Variants in ZNF32 observed in about 807,000 individuals in gnomAD.
ZNF32 encodes C2H2-546.
In ZNF32, 13 loss-of-function variants were observed where a neutral mutation model predicts 24.4. That is an observed-to-expected ratio of 0.53 (90% CI 0.35 to 0.85). The LOEUF is 0.85. ZNF32 is among the 40% of genes least tolerant of loss of function. The pLI, the probability that ZNF32 is intolerant of heterozygous loss-of-function variation, is 0.01. For synonymous variants in ZNF32, 115 were observed against 117.4 expected (o/e 0.98, Z 0.13); for missense variants, 239 against 325.3 (o/e 0.73, Z 2.04).
chr10:43,645,107 T>A, intron 2 of ZNF32: 1 of 227,708 alleles, frequency 4.4e-6, no homozygotes, highest in Non-Finnish European at 8.6e-6. Flanking sequence ...TTTTCTCTAT[T>A]TTACAGGTCA....
chr10:43,644,816 G>A lies in ZNF32; in HGVS notation c.71-15C>T, dbSNP rs1839227587. The A allele has an allele frequency of 1.3e-6, 2 of 1,566,800 alleles. No individual in the cohort carries two copies. The highest frequency in any genetic ancestry group is 8.6e-7 in the Non-Finnish European group (1 of 1,160,888). ...AGTCATCACATCTGATAAAATGAGA[G>A]GGAAGTCATATAAGAAGCACCAATA... is the stretch of plus-strand genomic sequence containing the variant. On this transcript the variant is annotated splice_polypyrimidine_tract_variant and intron_variant, in intron 2 of 2. Coordinates refer to ENST00000374433, the MANE Select transcript of ZNF32 (RefSeq NM_006973.3). This position sits in a 1 kb window ranked among gnomAD's most constrained non-coding sequence, Gnocchi z 5.3.
At chr10:43,647,217 C>T (rs1355672167) in intron 1 of ZNF32, 2 of 152,110 alleles carry the variant, frequency 1.3e-5, no homozygotes, top group African/African-American at 2.4e-5. Flanking sequence ...CAGGTAAGCA[C>T]CACCAAGCCT....
At chr10:43,645,990 C>A in intron 2 of ZNF32, 74 bp downstream of exon 2, 1 of 1,586,344 alleles carries the variant, frequency 6.3e-7, no homozygotes, top group East Asian at 2.3e-5. Flanking sequence ...CCTCAGACTG[C>A]CGACCAGTGC....
intron 1 of ZNF32, 133 bp from the exon 2 acceptor site, chr10:43,646,335 T>C (rs1324240790): frequency 1.7e-6 from 1 of 602,306 alleles, no homozygotes; most frequent in East Asian, 3.0e-5. Context: ...TGTCAGTTAC[T>C]AAAATATCAC....
In ZNF32 at chr10:43,644,021, A is replaced by T; in HGVS notation, c.*29T>A. 6.3e-7 allele frequency: 1 copy of T among 1,577,164 alleles called. No homozygotes were observed. Among genetic ancestry groups the T allele is most frequent in the Non-Finnish European group, 8.6e-7 (1 of 1,163,898 alleles). ...TCAGAGGATTTTGTACTCTTAATTC[A>T]TAAAGAGAACTTCTCTTCAGGAAAG... On this transcript the variant is annotated 3_prime_UTR_variant, in exon 3 of 3. Coordinates refer to ENST00000374433, the MANE Select transcript of ZNF32 (RefSeq NM_006973.3). The surrounding 1 kb of genome is among the most constrained non-coding windows in gnomAD (Gnocchi z 5.3).
Position 43,644,137 on chromosome 10 carries a change from A to G in ZNF32, c.735T>C (p.Tyr245=). The change falls in exon 3 of 3, where the codon TAT becomes TAC. Residue 245 remains tyrosine (Y), a synonymous_variant. Transcript: ENST00000374433. The surrounding 1 kb of genome is among the most constrained non-coding windows in gnomAD (Gnocchi z 5.3). ...HGKIHTGETP[Y]LCGQCGKSFT... is the part of the protein sequence containing the mutation. Reference sequence around the variant, plus strand: ...AGCTTTTTCCACACTGGCCGCACAGATAGGGTGTCTCTCCTGTGTGGATTT... The same window carrying G: ...AGCTTTTTCCACACTGGCCGCACAGGTAGGGTGTCTCTCCTGTGTGGATTT... 2 of 1,614,206 alleles carry G rather than the reference A, an allele frequency of 1.2e-6. No individual in the cohort carries two copies. Among genetic ancestry groups the G allele is most frequent in the Non-Finnish European group, 1.7e-6 (2 of 1,180,034 alleles).
At chr10:43,645,016 C>T (rs1839236310) in intron 2 of ZNF32, 1 of 541,784 alleles carries the variant, frequency 1.8e-6, no homozygotes, top group Admixed American at 3.6e-5. Flanking sequence ...TTAGAGCTGA[C>T]TCAAATAGGC....
intron 1 of ZNF32, among the ~76,000 whole-genome samples, chr10:43,648,186 T>C (rs557372903): frequency 3.1e-4 from 47 of 152,092 alleles, no homozygotes; most frequent in African/African-American, 9.2e-4. Flanking sequence ...GGTAGGACAA[T>C]GAGAAGGAAA....
Position 43,644,687 on chromosome 10 carries a change from G to A in ZNF32, c.185C>T (p.Ser62Leu), listed in dbSNP as rs144676378. 1.8e-4 allele frequency: 298 copies of A among 1,614,110 alleles called. 3 individuals carry two copies. In the South Asian group the frequency reaches 3.0e-3, roughly 16 times the overall value. ...REKLEQKSPD[S>L]KTLQEDSPGV... ...AGGTGAATCTTCCTGTAGTGTCTTCGAATCTGGGGATTTTTGTTCCAGCTT... is the reference window on the plus strand; with the variant it reads ...AGGTGAATCTTCCTGTAGTGTCTTCAAATCTGGGGATTTTTGTTCCAGCTT... Residue 62 changes from serine to leucine, a missense_variant, in exon 3 of 3, where the codon TCG becomes TTG. Coordinates refer to ENST00000374433, the MANE Select transcript of ZNF32 (RefSeq NM_006973.3). This position sits in a 1 kb window ranked among gnomAD's most constrained non-coding sequence, Gnocchi z 5.3.
intron 1 of ZNF32, among the ~76,000 whole-genome samples, chr10:43,648,378 T>TC (rs1017737346): frequency 1.7e-4 from 26 of 152,036 alleles, no homozygotes; most frequent in African/African-American, 6.0e-4. Context: ...CTTCCTACTC[T>TC]CCCCCGCAGG....
rs1488422193 is a variant in ZNF32, at chr10:43,644,270, T to G, written c.602A>C (p.Lys201Thr). The G allele has an allele frequency of 6.2e-7, 1 of 1,614,220 alleles. No homozygotes were observed. Among genetic ancestry groups the G allele is most frequent in the Admixed American group, 1.7e-5 (1 of 60,028 alleles). ...CDQCGKAFSQ[K>T]GSLIVHIRVH... ...TCTGATGTGAACAATTAAGCTTCCT[T>G]TCTGACTGAAGGCTTTTCCACACTG... Residue 201 changes from lysine to threonine, a missense_variant, in exon 3 of 3, where the codon AAA becomes ACA. Lys to Thr is a moderately conservative substitution (Grantham distance 78). Coordinates refer to ENST00000374433, the MANE Select transcript of ZNF32 (RefSeq NM_006973.3). The surrounding 1 kb of genome is among the most constrained non-coding windows in gnomAD (Gnocchi z 5.3).
Position 43,644,453 on chromosome 10 carries a change from T to C in ZNF32, c.419A>G (p.Lys140Arg), listed in dbSNP as rs1382217236. 1 of 1,614,218 alleles carries C rather than the reference T, an allele frequency of 6.2e-7. No individual in the cohort carries two copies. Among genetic ancestry groups the C allele is most frequent in the Non-Finnish European group, 8.5e-7 (1 of 1,180,034 alleles). The change falls in exon 3 of 3, where the codon AAA becomes AGA. Residue 140 changes from lysine to arginine, a missense_variant. Lys to Arg is a conservative substitution (Grantham distance 26, BLOSUM62 2). Transcript: ENST00000374433. This position sits in a 1 kb window ranked among gnomAD's most constrained non-coding sequence, Gnocchi z 5.3. ...EKPYQCKECG[K>R]SFSQRGSLAV... ...GAGACTACCTCGTTGACTGAAGCTT[T>C]TCCCACACTCCTTGCACTGATAAGG...
chr10:43,646,012 A>G, intron 2 of ZNF32, 52 bp downstream of exon 2: 1 of 1,610,820 alleles, frequency 6.2e-7, no homozygotes, highest in Non-Finnish European at 8.5e-7. Context: ...GAGAACAGGG[A>G]CACTGAATAT....
rs1343791332 is a variant in ZNF32 at position 43,644,433 on chromosome 10, T to TA, written c.438dup (p.Ser147Ter). 1 of 1,614,104 alleles carries TA rather than the reference T, an allele frequency of 6.2e-7. No homozygotes were observed. Among genetic ancestry groups the TA allele is most frequent in the Non-Finnish European group, 8.5e-7 (1 of 1,180,040 alleles). On this transcript the variant is annotated frameshift_variant, in exon 3 of 3. Coordinates refer to ENST00000374433, the MANE Select transcript of ZNF32 (RefSeq NM_006973.3). LOFTEE classifies it high-confidence loss of function. This position sits in a 1 kb window ranked among gnomAD's most constrained non-coding sequence, Gnocchi z 5.3. ...TGGAGTCTCTCGTGGACAGCGAGAC[T>TA]ACCTCGTTGACTGAAGCTTTTCCCA...
chr10:43,644,774 T>C lies in ZNF32; in HGVS notation c.98A>G (p.Tyr33Cys). The C allele has an allele frequency of 6.2e-7, 1 of 1,607,976 alleles. No individual in the cohort carries two copies. Among genetic ancestry groups the C allele is most frequent in the Non-Finnish European group, 8.5e-7 (1 of 1,177,600 alleles). The change falls in exon 3 of 3, where the codon TAT becomes TGT. Residue 33 changes from tyrosine to cysteine, a missense_variant. Transcript: ENST00000374433. This position sits in a 1 kb window ranked among gnomAD's most constrained non-coding sequence, Gnocchi z 5.3. ...FNVMTEAHHK[Y>C]DHSEATGSSS... ...GGATCCTGTAGCCTCAGAGTGGTCA[T>C]ATTTGTGGTGGGCTTCAGTCATCAC...
In ZNF32 at chr10:43,648,837, C is replaced by T. The variant is rs1839420079; in HGVS notation, c.-105G>A. 1 of 151,986 alleles carries T rather than the reference C, an allele frequency of 6.6e-6. No homozygotes were observed. Among genetic ancestry groups the T allele is most frequent in the African/African-American group, 2.4e-5 (1 of 41,402 alleles). 9.4% of individuals were successfully genotyped at this position (151,986 alleles called of 1,614,324 possible). A position where few individuals can be genotyped will look rare whatever the true frequency, so the allele number is the denominator to read the frequency against. On this transcript the variant is annotated 5_prime_UTR_variant, in exon 1 of 3. Coordinates refer to ENST00000374433, the MANE Select transcript of ZNF32 (RefSeq NM_006973.3). Reference sequence around the variant, plus strand: ...CGTGCCCGCAGACAAAGGCCGGCGCCGAGCCCGCAGCAGCGCCAGCGCCGG... The same window carrying T: ...CGTGCCCGCAGACAAAGGCCGGCGCTGAGCCCGCAGCAGCGCCAGCGCCGG...
Position 43,646,195 on chromosome 10 carries a change from C to T in ZNF32, c.-62G>A, listed in dbSNP as rs888528989. 1.1e-5 allele frequency: 18 copies of T among 1,579,532 alleles called. No individual in the cohort carries two copies. Among genetic ancestry groups the T allele is most frequent in the African/African-American group, 1.1e-4 (8 of 74,178 alleles). Reference sequence around the variant, plus strand: ...CATATGATTCTTCCATGGGCTGTTCCTGAGCACCTGAGGGAGAAAAACAAA... The same window carrying T: ...CATATGATTCTTCCATGGGCTGTTCTTGAGCACCTGAGGGAGAAAAACAAA... On this transcript the variant is annotated 5_prime_UTR_variant, in exon 2 of 3. Transcript: ENST00000374433.
In ZNF32 at chr10:43,644,831, A is replaced by C. The variant is rs1345867525; in HGVS notation, c.71-30T>G. On this transcript the variant is annotated intron_variant, in intron 2 of 2. Transcript: ENST00000374433. The surrounding 1 kb of genome is among the most constrained non-coding windows in gnomAD (Gnocchi z 5.3). ...TAAAATGAGAGGGAAGTCATATAAG[A>C]AGCACCAATAATGCTGAGTTAGAAT... is the stretch of plus-strand genomic sequence containing the variant. 17 of 1,552,506 alleles carry C rather than the reference A, an allele frequency of 1.1e-5. No homozygotes were observed. In the East Asian group the frequency reaches 1.1e-4, roughly 10 times the overall value.
In ZNF32 at chr10:43,643,950, G is replaced by A. The variant is rs1839189133; in HGVS notation, c.*100C>T. The A allele has an allele frequency of 7.5e-7, 1 of 1,340,704 alleles. No homozygotes were observed. Among genetic ancestry groups the A allele is most frequent in the Non-Finnish European group, 9.9e-7 (1 of 1,005,304 alleles). 83.1% of individuals were successfully genotyped at this position (1,340,704 alleles called of 1,614,324 possible). The stretch of plus-strand genomic sequence containing the variant: ...TGCCCTACCCAATGATGGTCTTTCT[G>A]AAAGATTCTCCATTCATTCCATAGA... On this transcript the variant is annotated 3_prime_UTR_variant, in exon 3 of 3. Coordinates refer to ENST00000374433, the MANE Select transcript of ZNF32 (RefSeq NM_006973.3).
Sources: allele counts gnomAD v4.1 joint callset (sites outside exome capture counted in the v4.1 genomes callset), GRCh38; gene constraint gnomAD v4.1.1; non-coding constraint Gnocchi (gnomAD v3.1); transcripts MANE v1.5; gene names NCBI Gene and HGNC (gene_info 2026-07-23, HGNC 2026-07-21).